The following SPEG variants were observed in gnomAD, a reference collection of about 807,000 sequenced individuals.
SPEG encodes striated muscle preferentially expressed protein kinase.
Under a neutral mutation model 300.4 loss-of-function variants are expected in SPEG, and 114 were observed. That is an observed-to-expected ratio of 0.38 (90% confidence interval 0.33 to 0.44). The LOEUF is 0.44. Ranked by LOEUF, SPEG falls within the 20% of genes least tolerant of loss-of-function variation. The pLI is 1.00. For synonymous variants in SPEG, 1,964 were observed against 2,018.9 expected (o/e 0.97, Z 0.73); for missense variants, 4,201 against 4,586.2 (o/e 0.92, Z 2.43).
rs1388732015 is a variant in SPEG at position 219,444,625 on chromosome 2, C to T, written c.389-28C>T. On this transcript the variant is annotated intron_variant, in intron 1 of 40. Transcript: ENST00000312358. This position sits in a 1 kb window ranked among gnomAD's most constrained non-coding sequence, Gnocchi z 7.8. ...AGTTGGAGGCAGAGGGAGGAGGGCC[C>T]TGCCCACACAGACCCCTTCTTCTCC... is the stretch of plus-strand genomic sequence containing the variant. The T allele has an allele frequency of 1.3e-6, 2 of 1,599,606 alleles. No homozygotes were observed.
At position 219,484,156 on chromosome 2, in the gene SPEG, C is replaced by A; in HGVS notation, c.6693C>A (p.Pro2231=). The A allele has an allele frequency of 1.2e-6, 2 of 1,613,646 alleles. No individual in the cohort carries two copies. Among genetic ancestry groups the A allele is most frequent in the East Asian group, 2.2e-5 (1 of 44,854 alleles). Residue 2231 remains proline, a synonymous_variant, in exon 30 of 41, where the codon CCC becomes CCA. Transcript: ENST00000312358. ...TCCGAGCCTCCAAGCCTGCACCACC[C>A]CCCCAGGCCCTGCAAACCCTAGCGC... ...EPVRASKPAP[P]PQALQTLALP...
Position 219,483,199 on chromosome 2 carries a change from AC to A in SPEG, c.5742del (p.Ser1915ValfsTer324). ...TGTGGGTGACCATGCCCAGAAGGCCACCCCCCAGTGGGGGGCTCTCATCCTC... is the reference window on the plus strand; with the variant it reads ...TGTGGGTGACCATGCCCAGAAGGCCACCCCCAGTGGGGGGCTCTCATCCTC... Reference protein sequence around the residue: ...RVWVTMPRRPPPSGGLSSSSD... With the variant: ...RVWVTMPRRPXPSGGLSSSSD... On this transcript the variant is annotated frameshift_variant, in exon 30 of 41. Coordinates refer to ENST00000312358, the MANE Select transcript of SPEG (RefSeq NM_005876.5). LOFTEE classifies it high-confidence loss of function. 1 of 1,609,228 alleles carries A rather than the reference AC, an allele frequency of 6.2e-7. No individual in the cohort carries two copies. Among genetic ancestry groups the A allele is most frequent in the African/African-American group, 1.3e-5 (1 of 74,788 alleles).
In SPEG at chr2:219,484,082, G is replaced by A. The variant is rs758800632; in HGVS notation, c.6619G>A (p.Ala2207Thr). The change falls in exon 30 of 41, where the codon GCA becomes ACA. Residue 2207 changes from alanine (A) to threonine (T), a missense_variant. Physicochemically the swap from Ala to Thr is moderately conservative, Grantham distance 58. Coordinates refer to ENST00000312358, the MANE Select transcript of SPEG (RefSeq NM_005876.5). ...ACCTAGTGATGCTCCGCAGCCCCCC[G>A]CACCCCAGCCTGCCCAAGACAAGGC... ...TTPSDAPQPP[A>T]PQPAQDKAPE... 15 of 1,613,022 alleles carry A rather than the reference G, an allele frequency of 9.3e-6. No individual in the cohort carries two copies. The African/African-American group carries it at 1.7e-4, about 19-fold the overall frequency.
intron 10 of SPEG, among the ~76,000 whole-genome samples, chr2:219,467,673 T>A (rs1283265389): frequency 6.6e-6 from 1 of 152,232 alleles, no homozygotes; most frequent in Non-Finnish European, 1.5e-5. Flanking sequence ...TCTGCTGAGG[T>A]GAACGTGGGT....
chr2:219,460,815 C>A, intron 6 of SPEG: 1 of 986,310 alleles, frequency 1.0e-6, no homozygotes, highest in Non-Finnish European at 1.2e-6. Context: ...CCAGGGCCTT[C>A]TCCGTGCAGG....
intron 6 of SPEG, among the ~76,000 whole-genome samples, chr2:219,454,094 C>G (rs1027105613): frequency 1.3e-5 from 2 of 152,206 alleles, no homozygotes; most frequent in Non-Finnish European, 2.9e-5. Context: ...CTGCCCCTGC[C>G]CAGTGCTATG....
At chr2:219,468,050 G>A (rs925434202) in intron 10 of SPEG, among the ~76,000 whole-genome samples, 4 of 152,250 alleles carry the variant, frequency 2.6e-5, no homozygotes, top group African/African-American at 7.2e-5. Flanking sequence ...GCGGAAGCTG[G>A]AGGGGCTTTA....
chr2:219,491,719 C>T, intron 38 of SPEG, 75 bp from the exon 39 acceptor site: 14 of 1,164,058 alleles, frequency 1.2e-5, no homozygotes, highest in Non-Finnish European at 1.6e-5. Context: ...GCTGCTCAAG[C>T]ACCCAGGGAC....
intron 31 of SPEG, among the ~76,000 whole-genome samples, chr2:219,486,977 C>T (rs1216251576): frequency 3.3e-5 from 5 of 152,128 alleles, no homozygotes; most frequent in Non-Finnish European, 7.4e-5. Flanking sequence ...CTGCTGAGTA[C>T]TCCTCTTCTG....
At chr2:219,488,688 G>T in intron 33 of SPEG, 23 bp downstream of exon 33, 1 of 1,603,452 alleles carries the variant, frequency 6.2e-7, no homozygotes, top group Non-Finnish European at 8.5e-7. Context: ...CAGGGCCCCA[G>T]GGGGGTAGTG....
rs1212860653 is a variant in SPEG, at chr2:219,484,837, C to T, written c.7374C>T (p.Ser2458=). The change falls in exon 30 of 41, where the codon AGC becomes AGT. Residue 2458 remains serine, a synonymous_variant. Transcript: ENST00000312358. ...TGCTGGCGATGCGCAGGCGGCTGAG[C>T]TTCACCCTGGAGCGGCTGTCCAGCC... ...SPVLAMRRRL[S]FTLERLSSRL... The T allele has an allele frequency of 4.6e-6, 7 of 1,514,836 alleles. No individual in the cohort carries two copies. The Admixed American group carries it at 6.1e-5, about 13-fold the overall frequency. 93.8% of individuals were successfully genotyped at this position (1,514,836 alleles called of 1,614,324 possible). A position where few individuals can be genotyped will look rare whatever the true frequency, so the allele number is the denominator to read the frequency against.
At chr2:219,468,499 C>T in intron 10 of SPEG, 79 bp from the exon 11 acceptor site, 1 of 1,509,882 alleles carries the variant, frequency 6.6e-7, no homozygotes, top group Non-Finnish European at 9.0e-7. Flanking sequence ...TCCTGCTCAG[C>T]CTTAGGTCAG....
At chr2:219,485,942 A>G (rs145919872) in intron 31 of SPEG, among the ~76,000 whole-genome samples, 167 of 151,988 alleles carry the variant, frequency 1.1e-3, no homozygotes, top group African/African-American at 3.9e-3. Flanking sequence ...CAAGGAGCTC[A>G]AGATATAGGG....
At chr2:219,471,658 T>A (rs141949758) in intron 13 of SPEG, 144 of 595,436 alleles carry the variant, frequency 2.4e-4, no homozygotes, top group Non-Finnish European at 3.9e-4. Context: ...AGGGCAGATG[T>A]AGACTTGGAA....
Position 219,445,206 on chromosome 2 carries a change from C to A in SPEG, c.815+45C>A, listed in dbSNP as rs747653497. 2.0e-6 allele frequency: 3 copies of A among 1,489,282 alleles called. 1 individual carries two copies. The allele number at this position is 1,489,282 out of a possible 1,614,324, so 92.3% of individuals were successfully genotyped here. ...GGGCCTGAACTGCCCCATCTCACCA[C>A]GCTGTCCTGCGCTGCCCTCACTGCT... On this transcript the variant is annotated intron_variant, in intron 3 of 40. Transcript: ENST00000312358. The surrounding 1 kb of genome is among the most constrained non-coding windows in gnomAD (Gnocchi z 6.1).
chr2:219,466,708 C>A, intron 9 of SPEG: 2 of 999,642 alleles, frequency 2.0e-6, no homozygotes, highest in Non-Finnish European at 2.4e-6. Flanking sequence ...CATTTGGGGC[C>A]CCCTCCTTCT....
Position 219,462,499 on chromosome 2 carries a change from G to C in SPEG, c.2705+113G>C, listed in dbSNP as rs1002117778. The C allele has an allele frequency of 1.2e-5, 9 of 779,642 alleles. No individual in the cohort carries two copies. In the African/African-American group the frequency reaches 1.6e-4, roughly 13 times the overall value. The allele number at this position is 779,642 out of a possible 1,614,324, so 48.3% of individuals were successfully genotyped here. A position where few individuals can be genotyped will look rare whatever the true frequency, so the allele number is the denominator to read the frequency against. ...ATCTTGGTGGGCTTCCCCATGATCTGCCTCAGGGGCCTCATCTCAGGGACA... is the reference window on the plus strand; with the variant it reads ...ATCTTGGTGGGCTTCCCCATGATCTCCCTCAGGGGCCTCATCTCAGGGACA... On this transcript the variant is annotated intron_variant, in intron 8 of 40. Transcript: ENST00000312358.
At position 219,477,129 on chromosome 2, in the gene SPEG, A is replaced by C; in HGVS notation, c.4560+147A>C. On this transcript the variant is annotated intron_variant, in intron 19 of 40. Coordinates refer to ENST00000312358, the MANE Select transcript of SPEG (RefSeq NM_005876.5). The surrounding 1 kb of genome is among the most constrained non-coding windows in gnomAD (Gnocchi z 6.4). Reference sequence around the variant, plus strand: ...GGGGCTGCAGAGGACTGACTAGCTGAGGGGTGCAGGGCTTTCTGTGGGAGA... The same window carrying C: ...GGGGCTGCAGAGGACTGACTAGCTGCGGGGTGCAGGGCTTTCTGTGGGAGA... The C allele has an allele frequency of 1.0e-6, 1 of 970,502 alleles. No individual in the cohort carries two copies. Among genetic ancestry groups the C allele is most frequent in the Non-Finnish European group, 1.5e-6 (1 of 663,838 alleles). The allele number at this position is 970,502 out of a possible 1,614,324, so 60.1% of individuals were successfully genotyped here. A position where few individuals can be genotyped will look rare whatever the true frequency, so the allele number is the denominator to read the frequency against.
In SPEG at chr2:219,481,946, G is replaced by A. The variant is rs538454769; in HGVS notation, c.5565+266G>A. The A allele has an allele frequency of 6.8e-4, 393 of 575,414 alleles. 2 individuals are homozygous for A. Among genetic ancestry groups the A allele is most frequent in the African/African-American group, 6.2e-3 (331 of 53,566 alleles). 35.6% of individuals were successfully genotyped at this position (575,414 alleles called of 1,614,324 possible). On this transcript the variant is annotated intron_variant, in intron 28 of 40. Coordinates refer to ENST00000312358, the MANE Select transcript of SPEG (RefSeq NM_005876.5). This position sits in a 1 kb window ranked among gnomAD's most constrained non-coding sequence, Gnocchi z 5.4. Reference sequence around the variant, plus strand: ...ACGTCTGGACCTCTCCATCCTGGGCGTCCTCAGTGGAGTTCTCCCCCATGC... The same window carrying A: ...ACGTCTGGACCTCTCCATCCTGGGCATCCTCAGTGGAGTTCTCCCCCATGC...
Sources: allele counts gnomAD v4.1 joint callset (sites outside exome capture counted in the v4.1 genomes callset), GRCh38; gene constraint gnomAD v4.1.1; non-coding constraint Gnocchi (gnomAD v3.1); transcripts MANE v1.5; gene names NCBI Gene and HGNC (gene_info 2026-07-23, HGNC 2026-07-21).